The following RAB31 variants were observed in gnomAD, a reference collection of about 807,000 sequenced individuals.
RAB31 encodes the protein RAB31, member RAS oncogene family.
A neutral mutation model predicts 25.6 loss-of-function variants in RAB31; 21 were observed. The observed-to-expected ratio is 0.82, with a 90% CI of 0.58 to 1.18. The LOEUF is 1.18. Among genes scored for constraint, RAB31 ranks in the 50% most tolerant of loss-of-function variants. The pLI is 0.00. For synonymous variants in RAB31, 87 were observed against 84.0 expected (o/e 1.04, Z -0.20); for missense variants, 196 against 250.1 (o/e 0.78, Z 1.46).
At chr18:9,824,290 GTA>G (rs1473763101) in intron 5 of RAB31, among the ~76,000 whole-genome samples, 1 of 86,470 alleles carries the variant, frequency 1.2e-5, no homozygotes, top group Non-Finnish European at 3.0e-5. Flanking sequence ...AGATGTGTGT[GTA>G]TGTGTGTGTA....
At chr18:9,855,875 A>T (rs1043635067) in intron 6 of RAB31, among the ~76,000 whole-genome samples, 7 of 152,116 alleles carry the variant, frequency 4.6e-5, no homozygotes, top group Non-Finnish European at 1.0e-4. Flanking sequence ...CCGCCATGCA[A>T]AACCCATGAG....
intron 3 of RAB31, among the ~76,000 whole-genome samples, chr18:9,812,102 T>G (rs7238409): frequency 0.28 from 42,622 of 152,060 alleles, 6,115 homozygotes; most frequent in South Asian, 0.36. Context: ...AAGGGAGATC[T>G]GGTCTCCTTC....
chr18:9,808,961 AT>A (rs560364880), intron 3 of RAB31, among the ~76,000 whole-genome samples: 208 of 151,946 alleles, frequency 1.4e-3, no homozygotes, highest in Non-Finnish European at 2.2e-3. Context: ...CATTTAAGGA[AT>A]GTTGCCTGAG....
intron 3 of RAB31, among the ~76,000 whole-genome samples, chr18:9,793,661 C>CAA (rs60915933): frequency 2.3e-5 from 3 of 131,044 alleles, no homozygotes; most frequent in African/African-American, 8.5e-5. Flanking sequence ...GACTCCAGCT[C>CAA]AAAAAAAAAA....
chr18:9,777,754 C>CT (rs36009427), intron 2 of RAB31, among the ~76,000 whole-genome samples: 5,219 of 113,912 alleles, frequency 0.046, 412 homozygotes, highest in African/African-American at 0.17. Flanking sequence ...TTGTAATGAC[C>CT]TTTTTTTTTT....
intron 1 of RAB31, among the ~76,000 whole-genome samples, chr18:9,741,184 C>T (rs886382358): frequency 2.0e-5 from 3 of 151,502 alleles, no homozygotes; most frequent in Non-Finnish European, 4.4e-5. Flanking sequence ...GAGACCAGCC[C>T]GGCCAACATG....
At chr18:9,790,803 A>C (rs923716723) in intron 2 of RAB31, among the ~76,000 whole-genome samples, 1 of 152,230 alleles carries the variant, frequency 6.6e-6, no homozygotes, top group Admixed American at 6.5e-5. Flanking sequence ...TATATAGGTG[A>C]TGTATCTACT....
intron 6 of RAB31, chr18:9,856,141 T>C (rs112409468): frequency 4.5e-4 from 69 of 152,270 alleles, no homozygotes; most frequent in African/African-American, 1.6e-3. Context: ...TTTTGAATAT[T>C]CTGAAGATAA....
At chr18:9,774,961 G>A (rs1189756169) in intron 1 of RAB31, 2 of 523,968 alleles carry the variant, frequency 3.8e-6, no homozygotes, top group East Asian at 5.1e-5. Flanking sequence ...CTTCTCTAGA[G>A]CCCTCCCAAG....
rs114390620 is a variant in RAB31 at position 9,806,705 on chromosome 18, T to C, written c.202-7315T>C. Among the ~76,000 whole-genome samples the C allele has an allele frequency of 2.9e-3, 443 of 152,288 alleles. 1 individual carries two copies. Among genetic ancestry groups the C allele is most frequent in the African/African-American group, 0.01 (418 of 41,542 alleles). On this transcript the variant is annotated intron_variant, in intron 3 of 6. Coordinates refer to ENST00000578921, the MANE Select transcript of RAB31 (RefSeq NM_006868.4). ...TTATATAGGAAGAAATCAATCACTC[T>C]GATGTTCAGTTAACATAAGATGATG...
chr18:9,728,852 AT>A (rs1343325983), intron 1 of RAB31, among the ~76,000 whole-genome samples: 5 of 152,050 alleles, frequency 3.3e-5, no homozygotes, highest in Non-Finnish European at 7.4e-5. Context: ...AATATAATAA[AT>A]TTTTTTATTT....
chr18:9,774,934 G>A (rs750316173), intron 1 of RAB31: 1 of 525,906 alleles, frequency 1.9e-6, no homozygotes, highest in Non-Finnish European at 3.8e-6. Context: ...CAAACAATGT[G>A]GTATGTTCAC....
Position 9,816,918 on chromosome 18 carries a change from G to T in RAB31, c.380+1696G>T, listed in dbSNP as rs557622721. Among the ~76,000 whole-genome samples the T allele has an allele frequency of 2.6e-5, 4 of 152,312 alleles. No homozygotes were observed. The South Asian group carries it at 8.3e-4, about 32-fold the overall frequency. ...GAGGAATAAATAATGGATGGAAGTG[G>T]ATCTTGCAAAAGCTCTTAACATAGC... On this transcript the variant is annotated intron_variant, in intron 5 of 6. Transcript: ENST00000578921.
rs140987850 is a variant in RAB31 at position 9,852,372 on chromosome 18, G to A, written c.490+6681G>A. Among the ~76,000 whole-genome samples the A allele has an allele frequency of 3.6e-3, 542 of 152,262 alleles. 2 individuals are homozygous for A. Among genetic ancestry groups the A allele is most frequent in the African/African-American group, 0.012 (482 of 41,536 alleles). On this transcript the variant is annotated intron_variant, in intron 6 of 6. Transcript: ENST00000578921. ...TGGTCAAATTTCCAAAAAGTTCATA[G>A]TTGTCATAAATGGTTTCTTTGTTTG...
intron 1 of RAB31, among the ~76,000 whole-genome samples, chr18:9,752,735 A>G (rs1278050265): frequency 6.6e-6 from 1 of 152,228 alleles, no homozygotes; most frequent in East Asian, 1.9e-4. Context: ...CAGGTACGCA[A>G]TTTATAAATG....
chr18:9,769,411 A>G (rs1018167694), intron 1 of RAB31, among the ~76,000 whole-genome samples: 7 of 152,158 alleles, frequency 4.6e-5, no homozygotes, highest in African/African-American at 1.7e-4. Context: ...GGTCCTTCAC[A>G]TCCCTTGTAA....
intron 1 of RAB31, among the ~76,000 whole-genome samples, chr18:9,767,434 G>C (rs1472940653): frequency 2.6e-5 from 4 of 152,210 alleles, no homozygotes; most frequent in African/African-American, 9.7e-5. Flanking sequence ...GAAGATTTCT[G>C]AAAGTCTGCG....
intron 6 of RAB31, among the ~76,000 whole-genome samples, chr18:9,858,462 G>A (rs1468455185): frequency 6.6e-6 from 1 of 152,104 alleles, no homozygotes; most frequent in Non-Finnish European, 1.5e-5. Flanking sequence ...TCACAGATCT[G>A]TGCAGCCATC....
chr18:9,734,906 C>G (rs1175658636), intron 1 of RAB31: 2 of 305,922 alleles, frequency 6.5e-6, no homozygotes, highest in Non-Finnish European at 6.7e-6. Context: ...TGATGACAGA[C>G]TGCTTTGGGA....
Sources: gnomAD v4.1 joint callset for allele counts (sites outside exome capture counted in the v4.1 genomes callset) on GRCh38, gnomAD v4.1.1 for gene constraint, MANE v1.5 for transcripts, NCBI Gene and HGNC (gene_info 2026-07-23, HGNC 2026-07-21) for gene names.